Variants in DCC observed in about 807,000 individuals in gnomAD.
DCC encodes netrin receptor DCC.
DCC carries 58 observed loss-of-function variants against 172.5 expected under a neutral mutation model. The observed-to-expected ratio is 0.34, with a 90% confidence interval of 0.27 to 0.42. The LOEUF is 0.42. DCC is among the 10% of genes least tolerant of loss of function. The pLI, the probability that DCC is intolerant of heterozygous loss-of-function variation, is 1.00. For missense variants in DCC, 1,740 were observed against 1,791.0 expected (o/e 0.97, Z 0.51); for synonymous variants, 709 against 644.5 (o/e 1.10, Z -1.52).
chr18:53,078,695 AT>A (rs2042756880), intron 7 of DCC, among the ~76,000 whole-genome samples: 2 of 152,164 alleles, frequency 1.3e-5, no homozygotes, highest in South Asian at 4.1e-4. Flanking sequence ...CCTAAATAGT[AT>A]AGGCAATGCA....
At chr18:53,254,034 G>C (rs2056474387) in intron 12 of DCC, among the ~76,000 whole-genome samples, 1 of 151,996 alleles carries the variant, frequency 6.6e-6, no homozygotes, top group Admixed American at 6.6e-5. Context: ...TATAGCCTCA[G>C]AAGTCAAAAA....
chr18:53,004,492 T>G (rs890479874), intron 5 of DCC, among the ~76,000 whole-genome samples: 3 of 152,212 alleles, frequency 2.0e-5, no homozygotes, highest in Non-Finnish European at 4.4e-5. Context: ...CAGAATAATT[T>G]CTTAAGCATT....
intron 5 of DCC, among the ~76,000 whole-genome samples, chr18:52,983,577 A>G (rs2041246063): frequency 6.6e-6 from 1 of 152,162 alleles, no homozygotes; most frequent in African/African-American, 2.4e-5. Flanking sequence ...GGTGATATTG[A>G]AATGCACCCG....
chr18:53,175,025 C>T (rs1373938539), intron 8 of DCC, among the ~76,000 whole-genome samples: 88 of 151,318 alleles, frequency 5.8e-4, no homozygotes, highest in African/African-American at 1.8e-3. Flanking sequence ...GTTCAATATA[C>T]GCAAATCAAT....
chr18:53,163,247 T>C (rs1348466605), intron 8 of DCC, among the ~76,000 whole-genome samples: 5 of 147,366 alleles, frequency 3.4e-5, no homozygotes, highest in South Asian at 2.4e-4. Context: ...CAGAGAGATA[T>C]GATATTCTCG....
intron 1 of DCC, among the ~76,000 whole-genome samples, chr18:52,516,644 A>G (rs1048733715): frequency 6.6e-6 from 1 of 152,250 alleles, no homozygotes; most frequent in Non-Finnish European, 1.5e-5. Context: ...ATTAATGATA[A>G]TGGCTTAATA....
intron 7 of DCC, among the ~76,000 whole-genome samples, chr18:53,102,328 C>T (rs1366837988): frequency 6.6e-6 from 1 of 152,018 alleles, no homozygotes. Flanking sequence ...TCTTCACAAG[C>T]CATTTTTAGG....
At chr18:53,398,221 G>C (rs1599106134) in intron 18 of DCC, among the ~76,000 whole-genome samples, 1 of 152,092 alleles carries the variant, frequency 6.6e-6, no homozygotes, top group Admixed American at 6.5e-5. Context: ...TGCTAATAAA[G>C]CTGTTTCCTG....
intron 1 of DCC, among the ~76,000 whole-genome samples, chr18:52,342,831 T>G (rs1983713363): frequency 6.6e-6 from 1 of 152,134 alleles, no homozygotes; most frequent in African/African-American, 2.4e-5. Flanking sequence ...TTAATAGAGA[T>G]AAATTTATGT....
At chr18:53,528,940 G>A (rs749003038) in intron 28 of DCC, among the ~76,000 whole-genome samples, 4 of 151,174 alleles carry the variant, frequency 2.6e-5, no homozygotes, top group Non-Finnish European at 4.4e-5. Flanking sequence ...GTTTGAGAAC[G>A]ACAACCAGAC....
rs77832654 is a variant in DCC, at chr18:52,469,563, T to C, written c.91+128685T>C. On this transcript the variant is annotated intron_variant, in intron 1 of 28. Transcript: ENST00000442544. ...TACTAATGATAAAAAAGAAATACAG[T>C]CTAATAAACATTGATAATCACAGAA... 1.4e-3 allele frequency among the ~76,000 whole-genome samples: 219 copies of C among 152,186 alleles called. 4 individuals carry two copies. The East Asian group carries it at 0.038, about 26-fold the overall frequency.
chr18:52,764,617 T>C (rs2037214767), intron 2 of DCC, among the ~76,000 whole-genome samples: 1 of 152,246 alleles, frequency 6.6e-6, no homozygotes, highest in African/African-American at 2.4e-5. Context: ...TCCCTTCACC[T>C]TCTGCCACAA....
At chr18:52,864,699 A>G (rs1466187615) in intron 2 of DCC, among the ~76,000 whole-genome samples, 3 of 151,640 alleles carry the variant, frequency 2.0e-5, no homozygotes, top group East Asian at 3.9e-4. Flanking sequence ...AATCCCCCCA[A>G]CAGGCCCCAG....
In DCC at chr18:52,964,217, G is replaced by A. The variant is rs116874775; in HGVS notation, c.985+38847G>A. 3.5e-4 allele frequency among the ~76,000 whole-genome samples: 53 copies of A among 152,178 alleles called. No homozygotes were observed. In the East Asian group the frequency reaches 7.2e-3, roughly 21 times the overall value. The stretch of plus-strand genomic sequence containing the variant: ...GAAGACAAAAACTGTCTTTTAATCT[G>A]TTATGATTGTAATTTAATTCAGAAA... On this transcript the variant is annotated intron_variant, in intron 5 of 28. Coordinates refer to ENST00000442544, the MANE Select transcript of DCC (RefSeq NM_005215.4).
At chr18:52,867,763 G>A (rs2039250954) in intron 2 of DCC, among the ~76,000 whole-genome samples, 1 of 151,990 alleles carries the variant, frequency 6.6e-6, no homozygotes, top group South Asian at 2.1e-4. Flanking sequence ...GCTGACTTAT[G>A]ACCCTATAGC....
chr18:52,932,837 T>TCA lies in DCC; in HGVS notation c.985+7467_985+7468insCA, dbSNP rs747560362. Among the ~76,000 whole-genome samples, 310 of 152,246 alleles carry TCA rather than the reference T, an allele frequency of 2.0e-3. 1 individual carries two copies. Among genetic ancestry groups the TCA allele is most frequent in the Non-Finnish European group, 3.4e-3 (229 of 67,988 alleles). On this transcript the variant is annotated intron_variant, in intron 5 of 28. Transcript: ENST00000442544. ...ATACATATATATGCAATACATGCAC[T>TCA]TACTCTCTATTTCTAAAGTTTCCCT...
intron 5 of DCC, among the ~76,000 whole-genome samples, chr18:52,999,133 T>G (rs1475138124): frequency 6.6e-6 from 1 of 152,074 alleles, no homozygotes; most frequent in East Asian, 1.9e-4. Context: ...TTCTGCTTTG[T>G]GCAGTGAAAG....
intron 20 of DCC, among the ~76,000 whole-genome samples, chr18:53,415,390 G>A (rs1910251005): frequency 6.6e-6 from 1 of 152,020 alleles, no homozygotes; most frequent in South Asian, 2.1e-4. Flanking sequence ...AATTGAGGGA[G>A]GGAAGCTTAT....
intron 1 of DCC, among the ~76,000 whole-genome samples, chr18:52,645,339 T>C (rs1047286944): frequency 5.3e-5 from 8 of 152,158 alleles, no homozygotes; most frequent in African/African-American, 1.7e-4. Context: ...CAGTTAAATT[T>C]TATACTTTCA....
Sources: gnomAD v4.1 joint callset for allele counts (sites outside exome capture counted in the v4.1 genomes callset) on GRCh38, gnomAD v4.1.1 for gene constraint, MANE v1.5 for transcripts, NCBI Gene and HGNC (gene_info 2026-07-23, HGNC 2026-07-21) for gene names.